MALRD1: variants seen among roughly 807,000 people sequenced by gnomAD.
MALRD1 encodes MAM and LDL-receptor class A domain-containing protein 1.
A neutral mutation model predicts 242.1 loss-of-function variants in MALRD1; 247 were observed. The observed-to-expected ratio is 1.02, with a 90% CI of 0.92 to 1.13. The LOEUF is 1.13. Ranked by LOEUF, MALRD1 falls within the 50% of genes most tolerant of loss-of-function variation. The probability of loss-of-function intolerance (pLI) is 0.00; values close to 1 mark genes in which losing one functional copy is unlikely to be tolerated. For missense variants in MALRD1, 2,989 were observed against 2,533.1 expected (o/e 1.18, Z -3.86); for synonymous variants, 995 against 866.6 (o/e 1.15, Z -2.60).
intron 28 of MALRD1, among the ~76,000 whole-genome samples, chr10:19,414,336 A>G (rs1285381210): frequency 6.6e-6 from 1 of 152,196 alleles, no homozygotes; most frequent in African/African-American, 2.4e-5. Context: ...GATACAACCT[A>G]TGTGATAAAT....
intron 36 of MALRD1, among the ~76,000 whole-genome samples, chr10:19,671,285 T>C (rs1180393441): frequency 3.3e-5 from 5 of 152,134 alleles, no homozygotes; most frequent in Admixed American, 3.3e-4. Context: ...CACCAATCTG[T>C]GTGTATGTTA....
chr10:19,600,691 A>G (rs968140880), intron 34 of MALRD1, among the ~76,000 whole-genome samples: 2 of 152,148 alleles, frequency 1.3e-5, no homozygotes, highest in Non-Finnish European at 2.9e-5. Flanking sequence ...TATATTTTCC[A>G]TGCAGCAACG....
chr10:19,709,562 C>T (rs1834015355), intron 38 of MALRD1, among the ~76,000 whole-genome samples: 1 of 152,086 alleles, frequency 6.6e-6, no homozygotes, highest in African/African-American at 2.4e-5. Flanking sequence ...TTTTAAGATC[C>T]TTTCCCAGGT....
Position 19,498,497 on chromosome 10 carries a change from G to C in MALRD1, c.5171G>C (p.Ser1724Thr), listed in dbSNP as rs901991606. The part of the protein sequence containing the change: ...SDEAHCAHYT[S>T]TTGSCNFETS... ...TTTGCTTCCCCAGCACATTATACAA[G>C]CACAACAGGAAGCTGCAATTTTGAA... The change falls in exon 31 of 40, where the codon AGC becomes ACC. Residue 1724 changes from serine to threonine, a missense_variant. Transcript: ENST00000454679. The C allele has an allele frequency of 5.2e-6, 8 of 1,549,794 alleles. No individual in the cohort carries two copies. The African/African-American group carries it at 1.1e-4, about 21-fold the overall frequency.
chr10:19,328,153 A>T (rs1843213987), intron 23 of MALRD1, among the ~76,000 whole-genome samples: 1 of 152,154 alleles, frequency 6.6e-6, no homozygotes, highest in Non-Finnish European at 1.5e-5. Flanking sequence ...GGAATTTGTG[A>T]TAGTAGTAAG....
intron 33 of MALRD1, among the ~76,000 whole-genome samples, chr10:19,589,020 C>T (rs913396047): frequency 1.8e-4 from 28 of 152,066 alleles, no homozygotes; most frequent in African/African-American, 5.3e-4. Flanking sequence ...ATTACTTGCA[C>T]AATAAAGACA....
At chr10:19,724,242 T>C (rs1448731054) in intron 38 of MALRD1, among the ~76,000 whole-genome samples, 2 of 152,160 alleles carry the variant, frequency 1.3e-5, no homozygotes, top group African/African-American at 2.4e-5. Context: ...AGTGACTTAC[T>C]GGTAAATTGG....
At chr10:19,332,313 TAAA>T (rs938468834) in intron 24 of MALRD1, among the ~76,000 whole-genome samples, 1 of 151,650 alleles carries the variant, frequency 6.6e-6, no homozygotes, top group Non-Finnish European at 1.5e-5. Context: ...GATAGGTTGT[TAAA>T]AAAAATCAAC....
At chr10:19,491,149 G>C in intron 29 of MALRD1, 5 of 429,320 alleles carry the variant, frequency 1.2e-5, no homozygotes, top group South Asian at 9.9e-5. Context: ...AGCACAAATG[G>C]CCAGGAAATC....
At chr10:19,316,338 A>G (rs918062407) in intron 21 of MALRD1, among the ~76,000 whole-genome samples, 1 of 151,838 alleles carries the variant, frequency 6.6e-6, no homozygotes, top group Non-Finnish European at 1.5e-5. Context: ...AAAGTCAAAA[A>G]CAAGACTTTC....
chr10:19,149,192 T>A (rs1028601302), intron 11 of MALRD1, among the ~76,000 whole-genome samples: 1 of 152,016 alleles, frequency 6.6e-6, no homozygotes, highest in African/African-American at 2.4e-5. Context: ...CCATGCTCAC[T>A]GCAAACTCCA....
At chr10:19,171,587 T>TAG (rs1473455540) in intron 13 of MALRD1, among the ~76,000 whole-genome samples, 1 of 137,854 alleles carries the variant, frequency 7.3e-6, no homozygotes, top group Non-Finnish European at 1.6e-5. Flanking sequence ...TATATGTCTA[T>TAG]GTGTGTATAT....
chr10:19,351,321 A>G (rs1588952362), intron 25 of MALRD1, among the ~76,000 whole-genome samples: 1 of 152,156 alleles, frequency 6.6e-6, no homozygotes, highest in African/African-American at 2.4e-5. Flanking sequence ...CTGTGTGACA[A>G]TCACTCAAAA....
intron 8 of MALRD1, among the ~76,000 whole-genome samples, chr10:19,129,234 A>G (rs1002809037): frequency 1.3e-5 from 2 of 152,120 alleles, no homozygotes; most frequent in African/African-American, 2.4e-5. Flanking sequence ...CCTACCAGCT[A>G]TAAATTGGAG....
intron 35 of MALRD1, among the ~76,000 whole-genome samples, chr10:19,611,015 C>A (rs565084623): frequency 1.3e-5 from 2 of 151,660 alleles, no homozygotes; most frequent in Non-Finnish European, 2.9e-5. Context: ...AGAACAAGAT[C>A]GAGGAAACTA....
chr10:19,298,008 G>T (rs1841784942), intron 21 of MALRD1, among the ~76,000 whole-genome samples: 1 of 151,910 alleles, frequency 6.6e-6, no homozygotes, highest in Non-Finnish European at 1.5e-5. Context: ...CATCCATTTT[G>T]TGTTGCTCTA....
intron 31 of MALRD1, among the ~76,000 whole-genome samples, chr10:19,517,833 C>G (rs1376152319): frequency 1.3e-5 from 2 of 152,212 alleles, no homozygotes; most frequent in African/African-American, 4.8e-5. Context: ...GAGCAATGGA[C>G]TTAATGCTTG....
At chr10:19,223,910 G>A (rs1014051128) in intron 18 of MALRD1, among the ~76,000 whole-genome samples, 2 of 152,226 alleles carry the variant, frequency 1.3e-5, no homozygotes, top group African/African-American at 2.4e-5. Context: ...AGTATTCCAC[G>A]GTGTATATGT....
At chr10:19,331,622 C>T (rs1325071147) in intron 24 of MALRD1, 40 bp downstream of exon 24, 2 of 1,461,002 alleles carry the variant, frequency 1.4e-6, no homozygotes, top group African/African-American at 1.4e-5. Context: ...TTGCCTTCAA[C>T]TCCCACAGCC....
Sources: gnomAD v4.1 joint callset for allele counts (sites outside exome capture counted in the v4.1 genomes callset) on GRCh38, gnomAD v4.1.1 for gene constraint, MANE v1.5 for transcripts, NCBI Gene and HGNC (gene_info 2026-07-23, HGNC 2026-07-21) for gene names.